The following HERC2 variants were observed in gnomAD, a reference collection of about 807,000 sequenced individuals.
HERC2 encodes E3 ubiquitin-protein ligase HERC2.
A neutral mutation model predicts 537.7 loss-of-function variants in HERC2; 102 were observed. The ratio of observed to expected loss-of-function variants is 0.19; its 90% CI spans 0.16 to 0.22. The LOEUF is 0.22. HERC2 is among the 10% of genes least tolerant of loss of function. The pLI is 1.00. For synonymous variants in HERC2, 2,224 were observed against 2,466.2 expected (o/e 0.90, Z 2.91); for missense variants, 4,236 against 6,198.2 (o/e 0.68, Z 10.63).
intron 68 of HERC2, among the ~76,000 whole-genome samples, 156 bp from the exon 69 acceptor site, chr15:28,163,441 G>A (rs1893816915): frequency 6.6e-6 from 1 of 152,062 alleles, no homozygotes. Flanking sequence ...AGAAACGACG[G>A]CCCCTAAAAT....
chr15:28,309,058 G>A (rs2076869394), intron 2 of HERC2, among the ~76,000 whole-genome samples: 1 of 152,224 alleles, frequency 6.6e-6, no homozygotes, highest in Non-Finnish European at 1.5e-5. Flanking sequence ...AATTTTTAAT[G>A]ACTTATTTTG....
chr15:28,144,122 G>A lies in HERC2; in HGVS notation c.11254C>T (p.Arg3752Cys). The A allele has an allele frequency of 6.2e-7, 1 of 1,614,206 alleles. No homozygotes were observed. The highest frequency in any genetic ancestry group is 8.5e-7 in the Non-Finnish European group (1 of 1,180,052). Residue 3752 changes from arginine (R) to cysteine (C), a missense_variant, in exon 73 of 93, where the codon CGC (arginine) becomes TGC (cysteine). Around this residue, in one of 27 missense-constraint regions of HERC2, gnomAD observed 109 missense variants for 133.5 expected, o/e 0.82. Transcript: ENST00000261609. ...CAAGCTGCCAGCGAGGCCGCAAGGC[G>A]AGGGACGATGCTTCTGTTAGAGGCA... ...NLASNRSIVP[R>C]LAASLAACAQ...
Position 28,169,660 on chromosome 15 carries a change from A to G in HERC2, c.10058-5T>C. The G allele has an allele frequency of 1.9e-6, 3 of 1,597,826 alleles. No individual in the cohort carries two copies. Among genetic ancestry groups the G allele is most frequent in the Non-Finnish European group, 2.6e-6 (3 of 1,173,750 alleles). On this transcript the variant is annotated splice_region_variant and splice_polypyrimidine_tract_variant and intron_variant, in intron 65 of 92. Coordinates refer to ENST00000261609, the MANE Select transcript of HERC2 (RefSeq NM_004667.6). ...AATCAGCATCTGAAGGCACGCCTAT[A>G]AGAGGAAAATAAAATTTGCATTGTT... is the stretch of plus-strand genomic sequence containing the variant.
At chr15:28,308,741 A>C (rs1356141704) in intron 2 of HERC2, among the ~76,000 whole-genome samples, 2 of 152,176 alleles carry the variant, frequency 1.3e-5, no homozygotes, top group African/African-American at 4.8e-5. Flanking sequence ...ACCAGTTTTA[A>C]GAGATTTTAT....
chr15:28,196,159 C>T, intron 52 of HERC2, 56 bp downstream of exon 52: 1 of 1,351,282 alleles, frequency 7.4e-7, no homozygotes, highest in African/African-American at 1.5e-5. Flanking sequence ...CTGTGGTCCA[C>T]AATAAGTATT....
At chr15:28,185,067 A>G (rs1896173566) in intron 56 of HERC2, among the ~76,000 whole-genome samples, 1 of 150,020 alleles carries the variant, frequency 6.7e-6, no homozygotes, top group African/African-American at 2.5e-5. Context: ...ACTACAGCAT[A>G]TAGTATAACA....
intron 69 of HERC2, among the ~76,000 whole-genome samples, chr15:28,156,371 G>A (rs559309989): frequency 1.7e-3 from 257 of 151,328 alleles, no homozygotes; most frequent in African/African-American, 5.8e-3. Flanking sequence ...CCATTTTCAC[G>A]ATTTCCTATC....
chr15:28,309,721 A>T (rs2076888346), intron 2 of HERC2, among the ~76,000 whole-genome samples: 2 of 151,950 alleles, frequency 1.3e-5, no homozygotes, highest in Admixed American at 1.3e-4. Context: ...TGACACCTGA[A>T]GTAGAGGATA....
chr15:28,136,649 A>T (rs534097289), intron 78 of HERC2, among the ~76,000 whole-genome samples: 23 of 152,384 alleles, frequency 1.5e-4, no homozygotes, highest in Middle Eastern at 3.4e-3. Context: ...CCATGTGCCA[A>T]ATCAGGCCCA....
intron 8 of HERC2, 101 bp from the exon 9 acceptor site, chr15:28,272,487 T>C: frequency 9.1e-7 from 1 of 1,093,356 alleles, no homozygotes; most frequent in South Asian, 1.5e-5. Flanking sequence ...AGTGAACAAA[T>C]ACTTGGGATT....
chr15:28,255,422 T>C (rs779903706), intron 19 of HERC2, among the ~76,000 whole-genome samples: 10 of 152,190 alleles, frequency 6.6e-5, no homozygotes, highest in Non-Finnish European at 1.5e-4. Context: ...AATGGAATAC[T>C]TCCCAATAAT....
intron 52 of HERC2, among the ~76,000 whole-genome samples, chr15:28,194,266 C>T (rs1168726025): frequency 6.8e-6 from 1 of 147,028 alleles, no homozygotes; most frequent in African/African-American, 2.5e-5. Flanking sequence ...GGGGTTTCAC[C>T]GTGTTAGCCA....
intron 38 of HERC2, among the ~76,000 whole-genome samples, chr15:28,218,162 A>G (rs1900131799): frequency 6.6e-6 from 1 of 151,318 alleles, no homozygotes. Flanking sequence ...CACAGGGAGA[A>G]TGCCATGTGA....
intron 2 of HERC2, among the ~76,000 whole-genome samples, chr15:28,314,985 A>C (rs1464432919): frequency 1.3e-5 from 2 of 152,240 alleles, no homozygotes; most frequent in Non-Finnish European, 2.9e-5. Flanking sequence ...GAGTTGTTAT[A>C]AAAGAGCACG....
At chr15:28,129,910 G>A (rs1016771144) in intron 83 of HERC2, among the ~76,000 whole-genome samples, 2 of 151,858 alleles carry the variant, frequency 1.3e-5, no homozygotes, top group African/African-American at 2.4e-5. Context: ...TTGAGTAGCT[G>A]AGATGCAGGC....
chr15:28,226,676 T>C (rs910558639), intron 35 of HERC2, among the ~76,000 whole-genome samples: 1 of 152,198 alleles, frequency 6.6e-6, no homozygotes, highest in Non-Finnish European at 1.5e-5. Flanking sequence ...ATAATCTTCA[T>C]CAACCTTGTA....
intron 4 of HERC2, among the ~76,000 whole-genome samples, chr15:28,290,117 A>G (rs888403458): frequency 2.0e-5 from 3 of 152,218 alleles, no homozygotes; most frequent in African/African-American, 7.2e-5. Flanking sequence ...AAGTTACTAA[A>G]TAATCAGGTA....
chr15:28,235,138 T>TA (rs1320142804), intron 26 of HERC2, among the ~76,000 whole-genome samples: 7 of 152,014 alleles, frequency 4.6e-5, no homozygotes, highest in Non-Finnish European at 2.9e-5. Flanking sequence ...GGGATGCACT[T>TA]AGTGTTCTTT....
At position 28,124,093 on chromosome 15, in the gene HERC2, G is replaced by A; in HGVS notation, c.13132C>T (p.Leu4378Phe). ...DLEGSLDETG[L>F]GPSVGFDTLR... The stretch of plus-strand genomic sequence containing the variant: ...GTGTCGAACCCAACAGAAGGCCCGA[G>A]TCCAGTTTCGTCGAGCGAGCCTTCC... The change falls in exon 85 of 93, where the codon CTC (leucine) becomes TTC (phenylalanine). Residue 4378 changes from leucine to phenylalanine, a missense_variant. Physicochemically the swap from Leu to Phe is conservative, Grantham distance 22. Around this residue, in one of 27 missense-constraint regions of HERC2, gnomAD observed 189 missense variants for 255.7 expected, o/e 0.74. Coordinates refer to ENST00000261609, the MANE Select transcript of HERC2 (RefSeq NM_004667.6). 1 of 1,608,734 alleles carries A rather than the reference G, an allele frequency of 6.2e-7. No homozygotes were observed. Among genetic ancestry groups the A allele is most frequent in the Non-Finnish European group, 8.5e-7 (1 of 1,177,472 alleles).
Sources: allele counts gnomAD v4.1 joint callset (sites outside exome capture counted in the v4.1 genomes callset), GRCh38; gene constraint gnomAD v4.1.1; regional missense constraint gnomAD v4.1.1; transcripts MANE v1.5; gene names NCBI Gene and HGNC (gene_info 2026-07-23, HGNC 2026-07-21).